The following FDFT1 variants were observed in gnomAD, a reference collection of about 807,000 sequenced individuals.
The protein encoded by FDFT1 is squalene synthase.
In FDFT1, 68 loss-of-function variants were observed where a neutral mutation model predicts 46.8. That is an observed-to-expected ratio of 1.45 (90% CI 1.19 to 1.78). The LOEUF (loss-of-function observed/expected upper bound fraction) is 1.78. Ranked by LOEUF, FDFT1 falls within the 40% of genes most tolerant of loss-of-function variation. The probability of loss-of-function intolerance (pLI) is 0.00; values close to 1 mark genes in which losing one functional copy is unlikely to be tolerated. For missense variants in FDFT1, 928 were observed against 524.4 expected (o/e 1.77, Z -7.52); for synonymous variants, 351 against 185.1 (o/e 1.90, Z -7.28).
At chr8:11,832,871 G>C (rs927046733) in intron 7 of FDFT1, among the ~76,000 whole-genome samples, 10 of 152,116 alleles carry the variant, frequency 6.6e-5, no homozygotes, top group African/African-American at 2.4e-4. Context: ...CTCCCCAGAG[G>C]TTACCTCTGT....
intron 3 of FDFT1, among the ~76,000 whole-genome samples, chr8:11,815,311 A>G (rs1202421036): frequency 6.6e-6 from 1 of 152,138 alleles, no homozygotes; most frequent in African/African-American, 2.4e-5. Context: ...GCTATTGTGA[A>G]TAGTGCCACA....
chr8:11,838,509 T>G lies in FDFT1; in HGVS notation c.1154T>G (p.Ile385Ser). 2 of 1,608,622 alleles carry G rather than the reference T, an allele frequency of 1.2e-6. No individual in the cohort carries two copies. The highest frequency in any genetic ancestry group is 2.7e-5 in the African/African-American group (2 of 74,892). The change falls in exon 8 of 8, where the codon ATC becomes AGC. Residue 385 changes from isoleucine to serine, a missense_variant. Transcript: ENST00000220584. ...QLISRSHYSP[I>S]YLSFVMLLAA... ...ATTTCCCGAAGCCACTACTCCCCCATCTACCTGTCGTTTGTCATGCTTTTG... is the reference window on the plus strand; with the variant it reads ...ATTTCCCGAAGCCACTACTCCCCCAGCTACCTGTCGTTTGTCATGCTTTTG...
At chr8:11,820,653 C>G (rs1214505501) in intron 3 of FDFT1, among the ~76,000 whole-genome samples, 1 of 152,204 alleles carries the variant, frequency 6.6e-6, no homozygotes, top group Non-Finnish European at 1.5e-5. Context: ...AAGCAAGGTT[C>G]CATGGGCATG....
upstream of FDFT1, among the ~76,000 whole-genome samples, chr8:11,800,281 AAAAAAAAAAAAG>A (rs1260748430): frequency 1.3e-5 from 2 of 148,710 alleles, no homozygotes; most frequent in Non-Finnish European, 3.0e-5. Context: ...AAAAAAAAAA[AAAAAAAAAAAAG>A]GCGCTTGAAC....
chr8:11,815,061 C>G (rs563468443), intron 3 of FDFT1, among the ~76,000 whole-genome samples: 43 of 152,168 alleles, frequency 2.8e-4, no homozygotes, highest in Non-Finnish European at 4.4e-4. Flanking sequence ...ATGTTCCCCT[C>G]CTTGTGTCCA....
At chr8:11,797,305 C>T (rs776955149), upstream of FDFT1, among the ~76,000 whole-genome samples, 2 of 152,200 alleles carry the variant, frequency 1.3e-5, no homozygotes, top group Non-Finnish European at 1.5e-5. Flanking sequence ...TATATAGTGT[C>T]TGGCTGTTAT....
chr8:11,802,442 C>T (rs989740846), upstream of FDFT1: 7 of 460,788 alleles, frequency 1.5e-5, no homozygotes, highest in Non-Finnish European at 2.6e-5. Flanking sequence ...ACAGCGTTCG[C>T]GCTCCCAGCC....
chr8:11,807,102 G>C (rs1178672291), intron 1 of FDFT1, among the ~76,000 whole-genome samples: 1 of 151,890 alleles, frequency 6.6e-6, no homozygotes, highest in Non-Finnish European at 1.5e-5. Context: ...AGTGACTATG[G>C]AATTTCCTAG....
chr8:11,800,030 G>A (rs535733365), upstream of FDFT1, among the ~76,000 whole-genome samples: 24 of 133,812 alleles, frequency 1.8e-4, no homozygotes, highest in Middle Eastern at 4.4e-3. Flanking sequence ...GGGAGGCCGA[G>A]GAGGGTGGAT....
intron 4 of FDFT1, among the ~76,000 whole-genome samples, chr8:11,825,797 A>G (rs1008979792): frequency 6.6e-6 from 1 of 152,246 alleles, no homozygotes; most frequent in Non-Finnish European, 1.5e-5. Context: ...ATACAAGTGA[A>G]AAATAAAAAC....
chr8:11,833,727 G>T (rs535527535), intron 7 of FDFT1, among the ~76,000 whole-genome samples: 3 of 152,152 alleles, frequency 2.0e-5, no homozygotes, highest in Non-Finnish European at 2.9e-5. Context: ...GCAATGTGAC[G>T]GCCGAGTTGA....
At chr8:11,819,306 G>A (rs895869359) in intron 3 of FDFT1, among the ~76,000 whole-genome samples, 1 of 152,158 alleles carries the variant, frequency 6.6e-6, no homozygotes, top group Non-Finnish European at 1.5e-5. Flanking sequence ...CAACGTTGGT[G>A]AATCTGACAA....
intron 2 of FDFT1, 80 bp downstream of exon 2, chr8:11,808,971 T>A: frequency 6.4e-7 from 1 of 1,551,408 alleles, no homozygotes; most frequent in Non-Finnish European, 8.7e-7. Flanking sequence ...TACCTTTTGA[T>A]ATAGCGCTCA....
chr8:11,824,240 T>C (rs1462391813), intron 4 of FDFT1, among the ~76,000 whole-genome samples: 6 of 152,194 alleles, frequency 3.9e-5, no homozygotes, highest in Middle Eastern at 3.2e-3. Flanking sequence ...TAGACAATTA[T>C]TGTATGTGGA....
In FDFT1 at chr8:11,803,126, C is replaced by A. The variant is rs371572514; in HGVS notation, c.99+195C>A. 607 of 1,431,178 alleles carry A rather than the reference C, an allele frequency of 4.2e-4. 9 individuals carry two copies. In the South Asian group the frequency reaches 7.9e-3, roughly 19 times the overall value. The allele number at this position is 1,431,178 out of a possible 1,614,324, so 88.7% of individuals were successfully genotyped here. ...GACGCGGCCGTCCTGGCTGACCTGTCCCTGCCCCCGCAAGCCGCCCTGGGC... is the reference window on the plus strand; with the variant it reads ...GACGCGGCCGTCCTGGCTGACCTGTACCTGCCCCCGCAAGCCGCCCTGGGC... On this transcript the variant is annotated intron_variant, in intron 1 of 7. Coordinates refer to ENST00000220584, the MANE Select transcript of FDFT1 (RefSeq NM_004462.5).
intron 1 of FDFT1, among the ~76,000 whole-genome samples, chr8:11,805,090 A>ATT (rs34808795): frequency 1.3e-5 from 2 of 151,090 alleles, no homozygotes; most frequent in Non-Finnish European, 2.9e-5. Flanking sequence ...TAATTTTTAA[A>ATT]TTTTTTTGTA....
upstream of FDFT1, among the ~76,000 whole-genome samples, chr8:11,797,637 T>TC (rs1805694329): frequency 1.9e-4 from 1 of 5,278 alleles, no homozygotes; most frequent in South Asian, 8.1e-3. Context: ...TCACACACAC[T>TC]CAAAAAAAAA....
chr8:11,808,391 G>GCGGGCCCGTTGTGGGT (rs1807175127), intron 1 of FDFT1: 6 of 1,235,138 alleles, frequency 4.9e-6, no homozygotes, highest in Non-Finnish European at 6.1e-6. Context: ...GGGCTGCGGG[G>GCGGGCCCGTTGTGGGT]CGGGCCCGTT....
Position 11,821,892 on chromosome 8 carries a change from A to G in FDFT1, c.510+14A>G. ...GAGTGGGACAAGGTTAGTCTCATAA[A>G]ACAGTGTCTGTGTGTGATGTATTAG... On this transcript the variant is annotated intron_variant, in intron 4 of 7. Transcript: ENST00000220584. 8 of 1,611,276 alleles carry G rather than the reference A, an allele frequency of 5.0e-6. No homozygotes were observed. The highest frequency in any genetic ancestry group is 6.8e-6 in the Non-Finnish European group (8 of 1,178,172).
Sources: allele counts gnomAD v4.1 joint callset (sites outside exome capture counted in the v4.1 genomes callset), GRCh38; gene constraint gnomAD v4.1.1; transcripts MANE v1.5; gene names NCBI Gene and HGNC (gene_info 2026-07-23, HGNC 2026-07-21).